RNF25: variants seen among roughly 807,000 people sequenced by gnomAD.
RNF25 encodes ring finger protein 25, also known as E3 ubiquitin-protein ligase RNF25.
Under a neutral mutation model 65.0 loss-of-function variants are expected in RNF25, and 32 were observed. That is an observed-to-expected ratio of 0.49 (90% CI 0.37 to 0.66). The LOEUF is 0.66. Among genes scored for constraint, RNF25 ranks in the 30% least tolerant of loss-of-function variants. RNF25 has a pLI of 0.00. For synonymous variants in RNF25, 207 were observed against 221.2 expected, an observed-to-expected ratio of 0.94 and a Z score of 0.57; for missense variants, 493 against 584.8, an observed-to-expected ratio of 0.84 and a Z score of 1.62.
At chr2:218,670,347 C>T (rs1939921330) in intron 1 of RNF25, among the ~76,000 whole-genome samples, 1 of 151,946 alleles carries the variant, frequency 6.6e-6, no homozygotes, top group South Asian at 2.1e-4. Context: ...CAATACTTCG[C>T]CCACCCTAGT....
At chr2:218,668,400 A>C in intron 2 of RNF25, 59 bp from the exon 3 acceptor site, 1 of 628,972 alleles carries the variant, frequency 1.6e-6, no homozygotes, top group Non-Finnish European at 2.8e-6. Flanking sequence ...GGGGCTGGGG[A>C]GGATGGGGCT....
Position 218,668,156 on chromosome 2 carries a change from G to A in RNF25, c.220-10C>T, listed in dbSNP as rs1205274007. On this transcript the variant is annotated splice_polypyrimidine_tract_variant and intron_variant, in intron 3 of 9. Coordinates refer to ENST00000295704, the MANE Select transcript of RNF25 (RefSeq NM_022453.3). ...GCACCTCATGGGGATACTAGTGGGG[G>A]CAAATAACAAGTTACTGCTGAAGCG... 1.4e-5 allele frequency: 23 copies of A among 1,613,876 alleles called. No individual in the cohort carries two copies. The highest frequency in any genetic ancestry group is 1.9e-5 in the Non-Finnish European group (22 of 1,179,890).
rs780326548 is a variant in RNF25, at chr2:218,671,880, C to A, written c.41+50G>T. The A allele has an allele frequency of 3.1e-6, 5 of 1,609,742 alleles. No homozygotes were observed. The South Asian group carries it at 3.3e-5, about 11-fold the overall frequency. Reference sequence around the variant, plus strand: ...GGACCGTCTGCGACAGCTGCTAGGCCTCTGGACTAGATCCAGGCTGTCAGC... The same window carrying A: ...GGACCGTCTGCGACAGCTGCTAGGCATCTGGACTAGATCCAGGCTGTCAGC... On this transcript the variant is annotated intron_variant, in intron 1 of 9. Transcript: ENST00000295704.
rs375552785 is a variant in RNF25 at position 218,663,935 on chromosome 2, C to T, written c.*22G>A. The T allele has an allele frequency of 3.5e-6, 5 of 1,423,796 alleles. No individual in the cohort carries two copies. In the African/African-American group the frequency reaches 7.1e-5, roughly 20 times the overall value. The allele number at this position is 1,423,796 out of a possible 1,614,324, so 88.2% of individuals were successfully genotyped here. Reference sequence around the variant, plus strand: ...TTGCCTCCCTCCCATCCCCAATTCCCTGTTCCCCCCACCAAGTCCTGCTAG... The same window carrying T: ...TTGCCTCCCTCCCATCCCCAATTCCTTGTTCCCCCCACCAAGTCCTGCTAG... On this transcript the variant is annotated 3_prime_UTR_variant, in exon 10 of 10. Coordinates refer to ENST00000295704, the MANE Select transcript of RNF25 (RefSeq NM_022453.3).
At chr2:218,666,737 G>A (rs1357009937) in intron 5 of RNF25, among the ~76,000 whole-genome samples, 1 of 152,198 alleles carries the variant, frequency 6.6e-6, no homozygotes, top group African/African-American at 2.4e-5. Flanking sequence ...AGCTAATAGT[G>A]TACTCTGGAA....
intron 5 of RNF25, among the ~76,000 whole-genome samples, chr2:218,667,477 A>G (rs1406527100): frequency 6.6e-6 from 1 of 151,728 alleles, no homozygotes; most frequent in Non-Finnish European, 1.5e-5. Flanking sequence ...CAGCCTCCCA[A>G]GTAACTGGGA....
At chr2:218,665,892 G>C (rs1269077673) in intron 7 of RNF25, 24 bp downstream of exon 7, 1 of 1,604,348 alleles carries the variant, frequency 6.2e-7, no homozygotes, top group Admixed American at 1.7e-5. Flanking sequence ...TGTCAGATGA[G>C]TGTGCAGGTG....
chr2:218,665,048 G>T, intron 8 of RNF25, 107 bp downstream of exon 8: 1 of 1,439,636 alleles, frequency 6.9e-7, no homozygotes, highest in Non-Finnish European at 9.6e-7. Flanking sequence ...GTCCTAGGCA[G>T]TTCAAGCCCA....
chr2:218,664,451 T>C lies in RNF25; in HGVS notation c.886A>G (p.Thr296Ala). 1.2e-6 allele frequency: 2 copies of C among 1,613,798 alleles called. No individual in the cohort carries two copies. The highest frequency in any genetic ancestry group is 2.2e-5 in the South Asian group (2 of 91,056). Residue 296 changes from threonine (T) to alanine (A), a missense_variant, in exon 10 of 10, where the codon ACC becomes GCC. By Grantham distance (58) the Thr-to-Ala change is moderately conservative (BLOSUM62 0). Transcript: ENST00000295704. This position sits in a 1 kb window ranked among gnomAD's most constrained non-coding sequence, Gnocchi z 5.1. ...PPSTLAAELS[T>A]SPAVQSTLPP... ...AAAGTGGATTGGACGGCTGGTGAGGTGGATAGTTCTGCTGCAAGGGTGCTG... is the reference window on the plus strand; with the variant it reads ...AAAGTGGATTGGACGGCTGGTGAGGCGGATAGTTCTGCTGCAAGGGTGCTG...
At chr2:218,671,804 A>G (rs1939984190) in intron 1 of RNF25, 126 bp downstream of exon 1, 8 of 1,016,236 alleles carry the variant, frequency 7.9e-6, no homozygotes, top group Non-Finnish European at 1.2e-5. Context: ...CAGAGATGTC[A>G]GCATCTCTGC....
In RNF25 at chr2:218,665,950, T is replaced by C. The variant is rs149561416; in HGVS notation, c.539A>G (p.Gln180Arg). 2.3e-4 allele frequency: 378 copies of C among 1,614,144 alleles called. No individual in the cohort carries two copies. In the African/African-American group the frequency reaches 4.3e-3, roughly 18 times the overall value. Residue 180 changes from glutamine to arginine, a missense_variant, in exon 7 of 10, where the codon CAG becomes CGG. By Grantham distance (43) the Gln-to-Arg change is conservative. Around this residue, in one of 3 missense-constraint regions of RNF25, gnomAD observed 351 missense variants for 400.2 expected, o/e 0.88. Transcript: ENST00000295704. ...TGTAGCATGCTGCCGTTCCTGTTCC[T>C]GCTCCTGTCCTTGTGCCTTCAGCTC... ...EQELKAQGQE[Q>R]EQERQHATTK... is the part of the protein sequence containing the mutation.
Position 218,663,904 on chromosome 2 carries a change from T to C in RNF25, c.*53A>G, listed in dbSNP as rs1410335630. ...AAAGAAAGCCAAAGAAGGCCAAATATCTTTATTGCCTCCCTCCCATCCCCA... is the reference window on the plus strand; with the variant it reads ...AAAGAAAGCCAAAGAAGGCCAAATACCTTTATTGCCTCCCTCCCATCCCCA... On this transcript the variant is annotated 3_prime_UTR_variant, in exon 10 of 10. Coordinates refer to ENST00000295704, the MANE Select transcript of RNF25 (RefSeq NM_022453.3). 2.2e-5 allele frequency: 30 copies of C among 1,360,906 alleles called. No individual in the cohort carries two copies. The highest frequency in any genetic ancestry group is 2.9e-5 in the African/African-American group (2 of 68,420). 84.3% of individuals were successfully genotyped at this position (1,360,906 alleles called of 1,614,324 possible). A position where few individuals can be genotyped will look rare whatever the true frequency, so the allele number is the denominator to read the frequency against.
Position 218,664,994 on chromosome 2 carries a change from G to C in RNF25, c.667-121C>G, listed in dbSNP as rs1939790113. The C allele has an allele frequency of 1.3e-6, 2 of 1,492,990 alleles. No individual in the cohort carries two copies. The highest frequency in any genetic ancestry group is 1.4e-5 in the African/African-American group (1 of 71,854). 92.5% of individuals were successfully genotyped at this position (1,492,990 alleles called of 1,614,324 possible). On this transcript the variant is annotated intron_variant, in intron 8 of 9. Coordinates refer to ENST00000295704, the MANE Select transcript of RNF25 (RefSeq NM_022453.3). This position sits in a 1 kb window ranked among gnomAD's most constrained non-coding sequence, Gnocchi z 5.1. ...TTTGCCCCTCAGGTCTGGGCTCCCA[G>C]AGTCTTAGGCTCCCGCCAGTGGGGG...
intron 1 of RNF25, among the ~76,000 whole-genome samples, chr2:218,670,259 C>G (rs1235016368): frequency 6.6e-6 from 1 of 150,460 alleles, no homozygotes; most frequent in Non-Finnish European, 1.5e-5. Context: ...AGTCTAGATA[C>G]TCTTAATAAC....
chr2:218,667,901 G>A lies in RNF25; in HGVS notation c.357+11C>T, dbSNP rs560002449. 2.5e-5 allele frequency: 40 copies of A among 1,612,002 alleles called. No individual in the cohort carries two copies. The highest frequency in any genetic ancestry group is 1.9e-4 in the African/African-American group (14 of 74,968). Reference sequence around the variant, plus strand: ...AGGAAAGAACATATCTCAGACTAGCGCACCTCTTACCTCAATGAGTTCATA... The same window carrying A: ...AGGAAAGAACATATCTCAGACTAGCACACCTCTTACCTCAATGAGTTCATA... On this transcript the variant is annotated intron_variant, in intron 5 of 9. Coordinates refer to ENST00000295704, the MANE Select transcript of RNF25 (RefSeq NM_022453.3).
At chr2:218,665,378 G>T in intron 7 of RNF25, 131 bp from the exon 8 acceptor site, 1 of 719,586 alleles carries the variant, frequency 1.4e-6, no homozygotes, top group Non-Finnish European at 2.3e-6. Flanking sequence ...AGTGAGTTGG[G>T]ACAGAGCACG....
chr2:218,665,873 G>T (rs1322958146), intron 7 of RNF25, 43 bp downstream of exon 7: 6 of 1,588,520 alleles, frequency 3.8e-6, no homozygotes, highest in Non-Finnish European at 4.3e-6. Flanking sequence ...GAAAGGCTGT[G>T]CCTAAGGGTG....
chr2:218,670,628 G>A (rs1270923089), intron 1 of RNF25, among the ~76,000 whole-genome samples: 2 of 148,462 alleles, frequency 1.3e-5, no homozygotes, highest in African/African-American at 2.5e-5. Flanking sequence ...CCCGGGAGGC[G>A]GAGCTTGCAG....
At position 218,664,894 on chromosome 2, in the gene RNF25, G is replaced by C. The variant is rs1173423764; in HGVS notation, c.667-21C>G. On this transcript the variant is annotated intron_variant, in intron 8 of 9. Coordinates refer to ENST00000295704, the MANE Select transcript of RNF25 (RefSeq NM_022453.3). The surrounding 1 kb of genome is among the most constrained non-coding windows in gnomAD (Gnocchi z 5.1). The stretch of plus-strand genomic sequence containing the variant: ...AGCTCCTGGAAGGAAGAATGGCAGA[G>C]AGGAAATAATGAACAGCAGAAGGCT... 1.2e-6 allele frequency: 2 copies of C among 1,613,932 alleles called. No homozygotes were observed. Among genetic ancestry groups the C allele is most frequent in the South Asian group, 1.1e-5 (1 of 91,080 alleles).
Sources: gnomAD v4.1 joint callset for allele counts (sites outside exome capture counted in the v4.1 genomes callset) on GRCh38, gnomAD v4.1.1 for gene constraint, gnomAD v4.1.1 regional missense constraint, Gnocchi (gnomAD v3.1) non-coding constraint, MANE v1.5 for transcripts, NCBI Gene and HGNC (gene_info 2026-07-23, HGNC 2026-07-21) for gene names.